DCC: variants seen among roughly 807,000 people sequenced by gnomAD.
DCC encodes netrin receptor DCC.
In DCC, 58 loss-of-function variants were observed where a neutral mutation model predicts 172.5. That is an observed-to-expected ratio of 0.34 (90% CI 0.27 to 0.42). DCC has a LOEUF of 0.42. Ranked by LOEUF, DCC falls within the 10% of genes least tolerant of loss-of-function variation. The pLI is 1.00. For synonymous variants in DCC, 709 were observed against 644.5 expected (o/e 1.10, Z -1.52); for missense variants, 1,740 against 1,791.0 (o/e 0.97, Z 0.51).
chr18:52,438,451 A>G (rs1987867340), intron 1 of DCC, among the ~76,000 whole-genome samples: 1 of 152,200 alleles, frequency 6.6e-6, no homozygotes. Flanking sequence ...AAAGAAGTTT[A>G]TTAATTTTTC....
intron 12 of DCC, among the ~76,000 whole-genome samples, chr18:53,243,737 G>A (rs1315989287): frequency 1.3e-5 from 2 of 152,140 alleles, no homozygotes; most frequent in Admixed American, 6.6e-5. Context: ...ACGACATAAT[G>A]TTTGTATACA....
chr18:52,763,148 G>A (rs1431617904), intron 2 of DCC, among the ~76,000 whole-genome samples: 1 of 151,904 alleles, frequency 6.6e-6, no homozygotes, highest in African/African-American at 2.4e-5. Flanking sequence ...CAGTTTCATT[G>A]TAACCCTGAG....
chr18:52,495,598 G>A (rs931485212), intron 1 of DCC, among the ~76,000 whole-genome samples: 1 of 152,058 alleles, frequency 6.6e-6, no homozygotes, highest in Admixed American at 6.6e-5. Context: ...ACCATGGTTT[G>A]CTATATAGGC....
At chr18:52,426,570 C>T (rs184603300) in intron 1 of DCC, among the ~76,000 whole-genome samples, 127 of 152,086 alleles carry the variant, frequency 8.4e-4, no homozygotes, top group African/African-American at 2.8e-3. Context: ...ACCCCAGCAA[C>T]CACCGACAAA....
At position 53,097,085 on chromosome 18, in the gene DCC, C is replaced by G. The variant is rs189295932; in HGVS notation, c.1261+30919C>G. ...ATATTAAGGTTGAAGGGACTAAAACCTAGTGAGACAAAAAGTTGTATTACT... is the reference window on the plus strand; with the variant it reads ...ATATTAAGGTTGAAGGGACTAAAACGTAGTGAGACAAAAAGTTGTATTACT... On this transcript the variant is annotated intron_variant, in intron 7 of 28. Coordinates refer to ENST00000442544, the MANE Select transcript of DCC (RefSeq NM_005215.4). Among the ~76,000 whole-genome samples the G allele has an allele frequency of 9.9e-5, 15 of 152,202 alleles. No individual in the cohort carries two copies. In the East Asian group the frequency reaches 1.2e-3, roughly 12 times the overall value.
At position 52,998,834 on chromosome 18, in the gene DCC, T is replaced by G. The variant is rs1041412002; in HGVS notation, c.986-64471T>G. ...TTTAGGTTTGTGTGTGTGTGTGTGT[T>G]TGTTTTACAAGAAAACCTGTCTGGA... is the stretch of plus-strand genomic sequence containing the variant. On this transcript the variant is annotated intron_variant, in intron 5 of 28. Transcript: ENST00000442544. Among the ~76,000 whole-genome samples, 25 of 151,864 alleles carry G rather than the reference T, an allele frequency of 1.6e-4. 1 individual carries two copies. Among genetic ancestry groups the G allele is most frequent in the Middle Eastern group, 3.2e-3 (1 of 316 alleles).
At chr18:53,024,450 A>G (rs2041928268) in intron 5 of DCC, among the ~76,000 whole-genome samples, 1 of 152,164 alleles carries the variant, frequency 6.6e-6, no homozygotes, top group Admixed American at 6.6e-5. Context: ...ACATTTGCAT[A>G]GCTCTGAACA....
At chr18:52,515,334 G>A (rs868535042) in intron 1 of DCC, among the ~76,000 whole-genome samples, 1 of 151,984 alleles carries the variant, frequency 6.6e-6, no homozygotes, top group Non-Finnish European at 1.5e-5. Flanking sequence ...ACGGCTGGGT[G>A]TGGTGGCTCA....
chr18:53,068,246 C>T (rs2042601971), intron 7 of DCC, among the ~76,000 whole-genome samples: 4 of 151,990 alleles, frequency 2.6e-5, no homozygotes, highest in Admixed American at 1.3e-4. Context: ...CTAATGTGAG[C>T]CACACTTTTT....
At chr18:52,341,058 A>G (rs1983609879) in intron 1 of DCC, among the ~76,000 whole-genome samples, 180 bp downstream of exon 1, 1 of 133,224 alleles carries the variant, frequency 7.5e-6, no homozygotes, top group Non-Finnish European at 1.6e-5. Flanking sequence ...CTGGGGGCGG[A>G]TGATGGTGGG....
chr18:52,439,174 T>TTGTGTGTGTGTG (rs60983168), intron 1 of DCC, among the ~76,000 whole-genome samples: 2,944 of 144,768 alleles, frequency 0.02, 68 homozygotes, highest in African/African-American at 0.037. Context: ...AAGATATGTT[T>TTGTGTGTGTGTG]TGTGTGTGTG....
intron 1 of DCC, among the ~76,000 whole-genome samples, chr18:52,410,755 A>T (rs1294702812): frequency 6.6e-6 from 1 of 152,146 alleles, no homozygotes; most frequent in Non-Finnish European, 1.5e-5. Context: ...GGCAATCATA[A>T]TACCCATGCA....
chr18:52,938,556 A>G (rs1481035513), intron 5 of DCC, among the ~76,000 whole-genome samples: 3 of 152,144 alleles, frequency 2.0e-5, no homozygotes, highest in African/African-American at 4.8e-5. Context: ...ACCTTGCCAA[A>G]TACTAAGAAA....
intron 1 of DCC, among the ~76,000 whole-genome samples, chr18:52,655,980 G>A (rs1387260862): frequency 8.3e-6 from 1 of 120,742 alleles, no homozygotes; most frequent in Non-Finnish European, 1.8e-5. Context: ...GTGTGTGTGT[G>A]TGTGTGTATA....
At chr18:52,682,863 C>T (rs1440721397) in intron 1 of DCC, among the ~76,000 whole-genome samples, 1 of 152,008 alleles carries the variant, frequency 6.6e-6, no homozygotes. Flanking sequence ...AGCCTTTCTT[C>T]CTAAGAGCAA....
chr18:52,518,257 C>T (rs183486148), intron 1 of DCC, among the ~76,000 whole-genome samples: 3 of 152,138 alleles, frequency 2.0e-5, no homozygotes, highest in Admixed American at 1.3e-4. Context: ...AATGAGCCCT[C>T]TAGGTCTGAG....
intron 25 of DCC, among the ~76,000 whole-genome samples, chr18:53,468,302 T>C: frequency 6.7e-6 from 1 of 150,272 alleles, no homozygotes; most frequent in East Asian, 1.9e-4. Flanking sequence ...TATATTTTAA[T>C]ATTATTGATC....
chr18:52,510,887 T>C (rs1470630181), intron 1 of DCC, among the ~76,000 whole-genome samples: 1 of 152,110 alleles, frequency 6.6e-6, no homozygotes, highest in Non-Finnish European at 1.5e-5. Flanking sequence ...CTGAGAGAGT[T>C]ATCATTACAG....
chr18:53,275,607 T>C (rs2144716371), intron 12 of DCC, among the ~76,000 whole-genome samples: 1 of 152,142 alleles, frequency 6.6e-6, no homozygotes, highest in African/African-American at 2.4e-5. Context: ...CGTAGTCAAG[T>C]AAACAAACAT....
Sources: gnomAD v4.1 joint callset for allele counts (sites outside exome capture counted in the v4.1 genomes callset) on GRCh38, gnomAD v4.1.1 for gene constraint, MANE v1.5 for transcripts, NCBI Gene and HGNC (gene_info 2026-07-23, HGNC 2026-07-21) for gene names.